The following CCDC172 variants were observed in gnomAD, a reference collection of about 807,000 sequenced individuals.
The protein encoded by CCDC172 is coiled-coil domain containing 172.
A neutral mutation model predicts 38.0 loss-of-function variants in CCDC172; 30 were observed. The observed-to-expected ratio is 0.79, with a 90% CI of 0.59 to 1.07. CCDC172 has a LOEUF of 1.07. Ranked by LOEUF, CCDC172 falls within the 50% of genes least tolerant of loss-of-function variation. The pLI is 0.00. For missense variants in CCDC172, 297 were observed against 290.1 expected (o/e 1.02, Z -0.17); for synonymous variants, 78 against 88.3 (o/e 0.88, Z 0.66).
At chr10:116,363,949 AT>A (rs910559370) in intron 7 of CCDC172, among the ~76,000 whole-genome samples, 1 of 150,678 alleles carries the variant, frequency 6.6e-6, no homozygotes, top group African/African-American at 2.5e-5. Flanking sequence ...AAAAAAAAAA[AT>A]AATAATAATA....
intron 3 of CCDC172, among the ~76,000 whole-genome samples, chr10:116,339,661 C>T (rs554048350): frequency 2.6e-5 from 4 of 151,970 alleles, no homozygotes; most frequent in African/African-American, 9.6e-5. Context: ...AGATGGGCTA[C>T]GATCTTATAT....
chr10:116,378,315 C>T, intron 7 of CCDC172, 108 bp from the exon 8 acceptor site: 2 of 1,120,382 alleles, frequency 1.8e-6, no homozygotes, highest in Non-Finnish European at 2.4e-6. Context: ...ATTATTTAGT[C>T]TTAACTTGAA....
At chr10:116,360,445 A>G (rs1845049081) in intron 7 of CCDC172, among the ~76,000 whole-genome samples, 1 of 152,180 alleles carries the variant, frequency 6.6e-6, no homozygotes, top group African/African-American at 2.4e-5. Context: ...CGAAAAGATT[A>G]AAGTTCATCT....
chr10:116,340,662 C>G, intron 3 of CCDC172, 72 bp from the exon 4 acceptor site: 1 of 724,124 alleles, frequency 1.4e-6, no homozygotes, highest in Non-Finnish European at 2.4e-6. Context: ...GACAAATCTT[C>G]TCTGTTACCT....
intron 3 of CCDC172, among the ~76,000 whole-genome samples, chr10:116,329,129 G>A (rs2134901384): frequency 6.6e-6 from 1 of 152,162 alleles, no homozygotes; most frequent in African/African-American, 2.4e-5. Flanking sequence ...AATTTTTGAA[G>A]TTCTCATTTA....
intron 3 of CCDC172, among the ~76,000 whole-genome samples, chr10:116,330,388 T>A (rs1224998640): frequency 6.6e-6 from 1 of 152,162 alleles, no homozygotes; most frequent in African/African-American, 2.4e-5. Context: ...ATGAAATATA[T>A]CAACATTTGG....
intron 5 of CCDC172, among the ~76,000 whole-genome samples, chr10:116,344,878 A>C (rs1053730844): frequency 1.3e-5 from 2 of 151,482 alleles, no homozygotes; most frequent in Non-Finnish European, 2.9e-5. Context: ...AAAAAAAAAA[A>C]AAACCTAAAA....
intron 5 of CCDC172, among the ~76,000 whole-genome samples, chr10:116,347,794 A>C (rs1004114512): frequency 6.6e-6 from 1 of 152,196 alleles, no homozygotes; most frequent in Non-Finnish European, 1.5e-5. Context: ...AAGCTGATAC[A>C]ACTTGATTTC....
intron 5 of CCDC172, among the ~76,000 whole-genome samples, chr10:116,356,081 C>T (rs1273168407): frequency 6.6e-6 from 1 of 151,950 alleles, no homozygotes; most frequent in Non-Finnish European, 1.5e-5. Flanking sequence ...ACCTGTAATC[C>T]CAGCACTTTG....
intron 3 of CCDC172, among the ~76,000 whole-genome samples, chr10:116,328,788 A>G (rs1177028628): frequency 6.6e-6 from 1 of 151,798 alleles, no homozygotes; most frequent in Non-Finnish European, 1.5e-5. Context: ...AAGTTAGGAA[A>G]CCTCCAGAAC....
In CCDC172 at chr10:116,379,937, C is replaced by A. The variant is rs1156530576; in HGVS notation, c.*579C>A. On this transcript the variant is annotated 3_prime_UTR_variant, in exon 9 of 9. Coordinates refer to ENST00000333254, the MANE Select transcript of CCDC172 (RefSeq NM_198515.3). The stretch of plus-strand genomic sequence containing the variant: ...CTTTGCCTTCAGTCATGATTGGAAA[C>A]TTCCTGAGGCCTCCCTAGAAGCAGA... The A allele has an allele frequency of 6.6e-6, 1 of 152,418 alleles. No individual in the cohort carries two copies. The highest frequency in any genetic ancestry group is 6.5e-5 in the Admixed American group (1 of 15,272). The allele number at this position is 152,418 out of a possible 1,614,324, so 9.4% of individuals were successfully genotyped here.
At chr10:116,338,234 C>T (rs1052395217) in intron 3 of CCDC172, among the ~76,000 whole-genome samples, 3 of 152,064 alleles carry the variant, frequency 2.0e-5, no homozygotes, top group South Asian at 2.1e-4. Context: ...CCGCTTTCTC[C>T]GTCATTCTAC....
At chr10:116,348,847 T>G (rs1184779800) in intron 5 of CCDC172, among the ~76,000 whole-genome samples, 1 of 152,144 alleles carries the variant, frequency 6.6e-6, no homozygotes, top group Admixed American at 6.5e-5. Context: ...GTGTTCTATT[T>G]GGAATACTTT....
chr10:116,357,402 T>C lies in CCDC172; in HGVS notation c.471T>C (p.Asp157=). The part of the protein sequence containing the change: ...LKSEMKSMEH[D]SSQLNELQKQ... ...TAGAAATGAAGTCAATGGAACATGA[T>C]AGTAGCCAGTTAAATGAACTTCAAA... Residue 157 remains aspartate, a synonymous_variant, in exon 6 of 9, where the codon GAT becomes GAC. Transcript: ENST00000333254. 6.3e-7 allele frequency: 1 copy of C among 1,575,266 alleles called. No homozygotes were observed. The highest frequency in any genetic ancestry group is 8.6e-7 in the Non-Finnish European group (1 of 1,163,864).
intron 7 of CCDC172, among the ~76,000 whole-genome samples, chr10:116,362,414 C>T (rs1845076141): frequency 6.6e-6 from 1 of 152,138 alleles, no homozygotes; most frequent in Non-Finnish European, 1.5e-5. Flanking sequence ...TAACCAGTCT[C>T]TCATTAATGG....
At chr10:116,374,746 A>C (rs1326435508) in intron 7 of CCDC172, among the ~76,000 whole-genome samples, 1 of 152,104 alleles carries the variant, frequency 6.6e-6, no homozygotes, top group African/African-American at 2.4e-5. Context: ...TTATATTTTT[A>C]ATTCAGCCAT....
chr10:116,327,901 T>A (rs1242545696), intron 3 of CCDC172, among the ~76,000 whole-genome samples: 1 of 152,160 alleles, frequency 6.6e-6, no homozygotes, highest in African/African-American at 2.4e-5. Flanking sequence ...GTTAATTATA[T>A]GTCTGCCAAT....
intron 3 of CCDC172, among the ~76,000 whole-genome samples, chr10:116,327,036 A>G (rs1330206343): frequency 6.6e-6 from 1 of 152,166 alleles, no homozygotes; most frequent in Non-Finnish European, 1.5e-5. Context: ...TAATAGAAGT[A>G]ATGGGCAAAA....
At chr10:116,373,640 G>A (rs900189342) in intron 7 of CCDC172, among the ~76,000 whole-genome samples, 4 of 152,146 alleles carry the variant, frequency 2.6e-5, no homozygotes, top group Non-Finnish European at 5.9e-5. Context: ...AAGTAGCTGG[G>A]ATTACAGGCG....
Sources: gnomAD v4.1 joint callset for allele counts (sites outside exome capture counted in the v4.1 genomes callset) on GRCh38, gnomAD v4.1.1 for gene constraint, MANE v1.5 for transcripts, NCBI Gene and HGNC (gene_info 2026-07-23, HGNC 2026-07-21) for gene names.